The following LRFN5 variants were observed in gnomAD, a reference collection of about 807,000 sequenced individuals.
The protein encoded by LRFN5 is leucine-rich repeat and fibronectin type-III domain-containing protein 5.
Under a neutral mutation model 45.6 loss-of-function variants are expected in LRFN5, and 24 were observed. The ratio of observed to expected loss-of-function variants is 0.53; its 90% confidence interval spans 0.38 to 0.74. The LOEUF (loss-of-function observed/expected upper bound fraction) is 0.74, where lower values mean the gene tolerates loss of function less well. LRFN5 is among the 30% of genes least tolerant of loss of function. The pLI is 0.00. For synonymous variants in LRFN5, 340 were observed against 313.8 expected, an observed-to-expected ratio of 1.08 and a Z score of -0.88; for missense variants, 776 against 861.5, an observed-to-expected ratio of 0.90 and a Z score of 1.24.
At chr14:41,691,109 T>G (rs1237181397) in intron 1 of LRFN5, among the ~76,000 whole-genome samples, 2 of 152,112 alleles carry the variant, frequency 1.3e-5, no homozygotes, top group Non-Finnish European at 2.9e-5. Flanking sequence ...TATTTTTGAT[T>G]GTATTAAATT....
intron 1 of LRFN5, among the ~76,000 whole-genome samples, chr14:41,611,538 A>G (rs1052104991): frequency 6.6e-6 from 1 of 152,214 alleles, no homozygotes; most frequent in African/African-American, 2.4e-5. Context: ...ATAGGGACAG[A>G]ACAATAAGAT....
intron 2 of LRFN5, among the ~76,000 whole-genome samples, chr14:41,855,907 G>A (rs1202702089): frequency 4.6e-5 from 7 of 152,074 alleles, no homozygotes; most frequent in Admixed American, 4.6e-4. Context: ...ACATATATTA[G>A]TGTATAGAGA....
chr14:41,875,571 G>T (rs1022593445), intron 2 of LRFN5, among the ~76,000 whole-genome samples: 4 of 152,172 alleles, frequency 2.6e-5, no homozygotes, highest in Non-Finnish European at 5.9e-5. Context: ...TTTACATACA[G>T]AAATCACTCT....
chr14:41,676,611 A>G (rs1881640564), intron 1 of LRFN5, among the ~76,000 whole-genome samples: 1 of 152,140 alleles, frequency 6.6e-6, no homozygotes, highest in Admixed American at 6.5e-5. Flanking sequence ...CGGGGTCTGG[A>G]GAATGTTGTT....
At chr14:41,884,181 T>A (rs992875883) in intron 2 of LRFN5, among the ~76,000 whole-genome samples, 1 of 152,224 alleles carries the variant, frequency 6.6e-6, no homozygotes, top group Non-Finnish European at 1.5e-5. Context: ...GTGCTGTGAT[T>A]TGGAAGATGT....
intron 1 of LRFN5, among the ~76,000 whole-genome samples, chr14:41,684,417 G>A (rs759742508): frequency 1.3e-5 from 2 of 152,150 alleles, no homozygotes; most frequent in African/African-American, 2.4e-5. Context: ...GAAGTAAGGC[G>A]CCTTCTTTAT....
chr14:41,888,056 G>A, intron 3 of LRFN5, 46 bp downstream of exon 3: 1 of 1,441,244 alleles, frequency 6.9e-7, no homozygotes. Context: ...GCATCTTAGT[G>A]TAGAATTTGT....
At chr14:41,702,855 C>T (rs537183532) in intron 1 of LRFN5, among the ~76,000 whole-genome samples, 2 of 152,102 alleles carry the variant, frequency 1.3e-5, no homozygotes, top group East Asian at 3.9e-4. Context: ...TATATATTTT[C>T]TATCTCTCAG....
At chr14:41,785,852 C>T (rs1886701669) in intron 2 of LRFN5, among the ~76,000 whole-genome samples, 1 of 152,088 alleles carries the variant, frequency 6.6e-6, no homozygotes, top group Non-Finnish European at 1.5e-5. Flanking sequence ...GGTTCACACC[C>T]CTATGAGAAT....
At chr14:41,865,782 C>T (rs958411993) in intron 2 of LRFN5, among the ~76,000 whole-genome samples, 15 of 152,076 alleles carry the variant, frequency 9.9e-5, no homozygotes, top group African/African-American at 3.6e-4. Flanking sequence ...AAAGTGGTAT[C>T]TCATTATTGT....
chr14:41,676,435 C>G (rs1282976229), intron 1 of LRFN5, among the ~76,000 whole-genome samples: 1 of 151,272 alleles, frequency 6.6e-6, no homozygotes. Context: ...GAACTCCTTA[C>G]CTAAGAGTGT....
intron 1 of LRFN5, among the ~76,000 whole-genome samples, chr14:41,680,981 A>G (rs370809950): frequency 1.3e-5 from 2 of 152,124 alleles, no homozygotes; most frequent in South Asian, 4.1e-4. Flanking sequence ...GACATAATGA[A>G]GAATGTGTCA....
rs181407558 is a variant in LRFN5 at position 41,774,142 on chromosome 14, A to C, written c.-21+7113A>C. Among the ~76,000 whole-genome samples the C allele has an allele frequency of 1.6e-4, 25 of 152,320 alleles. 1 individual carries two copies. Among genetic ancestry groups the C allele is most frequent in the Non-Finnish European group, 3.2e-4 (22 of 68,018 alleles). ...ATGTAACTTGGAGAGTACTCTTGGCAACCAACATTAGATGCATGACAACAA... is the reference window on the plus strand; with the variant it reads ...ATGTAACTTGGAGAGTACTCTTGGCCACCAACATTAGATGCATGACAACAA... On this transcript the variant is annotated intron_variant, in intron 2 of 5. Transcript: ENST00000298119.
In LRFN5 at chr14:41,669,601, G is replaced by A. The variant is rs1034222921; in HGVS notation, c.-197+61039G>A. Among the ~76,000 whole-genome samples, 9 of 151,808 alleles carry A rather than the reference G, an allele frequency of 5.9e-5. No individual in the cohort carries two copies. The East Asian group carries it at 1.5e-3, about 26-fold the overall frequency. On this transcript the variant is annotated intron_variant, in intron 1 of 5. Coordinates refer to ENST00000298119, the MANE Select transcript of LRFN5 (RefSeq NM_152447.5). ...AACACATACTATTGGCATGGTTGTC[G>A]CTTGTGGGAATGTAAGCAATACATT...
In LRFN5 at chr14:41,699,708, G is replaced by A. The variant is rs1277411961; in HGVS notation, c.-196-67146G>A. On this transcript the variant is annotated intron_variant, in intron 1 of 5. Coordinates refer to ENST00000298119, the MANE Select transcript of LRFN5 (RefSeq NM_152447.5). ...ACACTCCGTGGAAGAGATTGTTACAGGAGATAGAGTTATTGAGTCAACCCC... is the reference window on the plus strand; with the variant it reads ...ACACTCCGTGGAAGAGATTGTTACAAGAGATAGAGTTATTGAGTCAACCCC... 2.0e-5 allele frequency: 3 copies of A among 152,188 alleles called. No individual in the cohort carries two copies. In the East Asian group the frequency reaches 5.8e-4, roughly 29 times the overall value. 9.4% of individuals were successfully genotyped at this position (152,188 alleles called of 1,614,324 possible). A position where few individuals can be genotyped will look rare whatever the true frequency, so the allele number is the denominator to read the frequency against.
chr14:41,807,026 C>A (rs1468416067), intron 2 of LRFN5, among the ~76,000 whole-genome samples: 1 of 152,064 alleles, frequency 6.6e-6, no homozygotes, highest in Non-Finnish European at 1.5e-5. Flanking sequence ...TACCTAGCAC[C>A]TTCCAGAAAA....
At chr14:41,858,744 C>T (rs1194931771) in intron 2 of LRFN5, among the ~76,000 whole-genome samples, 7 of 152,096 alleles carry the variant, frequency 4.6e-5, no homozygotes, top group Non-Finnish European at 8.8e-5. Context: ...CATTCCAGTG[C>T]ACATTGCTTT....
chr14:41,785,755 T>TGATGGGA (rs1886697058), intron 2 of LRFN5, among the ~76,000 whole-genome samples: 1 of 151,770 alleles, frequency 6.6e-6, no homozygotes. Context: ...GCTCTGGGAG[T>TGATGGGA]GATGGGAGAC....
intron 1 of LRFN5, among the ~76,000 whole-genome samples, chr14:41,705,104 GGA>G (rs1491384260): frequency 2.6e-5 from 4 of 151,836 alleles, no homozygotes; most frequent in Non-Finnish European, 5.9e-5. Context: ...TTTTTCAAAA[GGA>G]GAGAGTAACA....
Sources: allele counts gnomAD v4.1 joint callset (sites outside exome capture counted in the v4.1 genomes callset), GRCh38; gene constraint gnomAD v4.1.1; transcripts MANE v1.5; gene names NCBI Gene and HGNC (gene_info 2026-07-23, HGNC 2026-07-21).